The following SMU1 variants were observed in gnomAD, a reference collection of about 807,000 sequenced individuals.
The protein encoded by SMU1 is SMU1 DNA replication regulator and spliceosomal factor.
SMU1 carries 2 observed loss-of-function variants against 62.0 expected under a neutral mutation model. That is an observed-to-expected ratio of 0.03 (90% CI 0.01 to 0.10). The LOEUF (loss-of-function observed/expected upper bound fraction) is 0.10, where lower values mean the gene tolerates loss of function less well. Ranked by LOEUF, SMU1 falls within the 10% of genes least tolerant of loss-of-function variation. SMU1 has a pLI of 1.00. For synonymous variants in SMU1, 188 were observed against 212.4 expected, an observed-to-expected ratio of 0.89 and a Z score of 1.00; for missense variants, 227 against 622.1, an observed-to-expected ratio of 0.36 and a Z score of 6.76.
intron 4 of SMU1, among the ~76,000 whole-genome samples, chr9:33,067,069 A>C (rs1839429068): frequency 6.6e-6 from 1 of 152,160 alleles, no homozygotes; most frequent in African/African-American, 2.4e-5. Context: ...AGAAAAAATA[A>C]GCAATAATTA....
chr9:33,043,329 T>C lies in SMU1; in HGVS notation c.*3964A>G, dbSNP rs1223098039. On this transcript the variant is annotated 3_prime_UTR_variant, in exon 12 of 12. Coordinates refer to ENST00000397149, the MANE Select transcript of SMU1 (RefSeq NM_018225.3). Reference sequence around the variant, plus strand: ...CACCTTTATCATTTAAATTTGGTTATCTCAGCATGAAACTTCTGAGACTGA... The same window carrying C: ...CACCTTTATCATTTAAATTTGGTTACCTCAGCATGAAACTTCTGAGACTGA... 1.3e-5 allele frequency: 2 copies of C among 152,216 alleles called. No homozygotes were observed. The highest frequency in any genetic ancestry group is 1.3e-4 in the Admixed American group (2 of 15,282). The allele number at this position is 152,216 out of a possible 1,614,324, so 9.4% of individuals were successfully genotyped here. A position where few individuals can be genotyped will look rare whatever the true frequency, so the allele number is the denominator to read the frequency against.
At chr9:33,061,984 TG>T in intron 5 of SMU1, 64 bp downstream of exon 5, 1 of 1,561,382 alleles carries the variant, frequency 6.4e-7, no homozygotes, top group Non-Finnish European at 8.7e-7. Context: ...GCACAGGGCC[TG>T]GCTGAGCCCA....
rs1472285788 is a variant in SMU1 at position 33,053,165 on chromosome 9, G to A, written c.1248C>T (p.Cys416=). 1 of 1,612,186 alleles carries A rather than the reference G, an allele frequency of 6.2e-7. No homozygotes were observed. The highest frequency in any genetic ancestry group is 1.7e-5 in the Admixed American group (1 of 60,014). The part of the protein sequence containing the change: ...LPKNPEHFVV[C]NRSNTVVIMN... ...TGATGACCACCGTGTTTGATCTGTT[G>A]CACACCACAAAGTGCTCAGGGTTTT... The change falls in exon 10 of 12, where the codon TGC becomes TGT. Residue 416 remains cysteine, a synonymous_variant. Coordinates refer to ENST00000397149, the MANE Select transcript of SMU1 (RefSeq NM_018225.3).
At chr9:33,071,307 A>C (rs1352188610) in intron 3 of SMU1, among the ~76,000 whole-genome samples, 1 of 152,234 alleles carries the variant, frequency 6.6e-6, no homozygotes, top group Non-Finnish European at 1.5e-5. Flanking sequence ...GACTATCATC[A>C]TGCTCTACTG....
intron 4 of SMU1, among the ~76,000 whole-genome samples, chr9:33,065,283 CCTT>C (rs1244771094): frequency 6.6e-6 from 1 of 152,158 alleles, no homozygotes; most frequent in African/African-American, 2.4e-5. Context: ...ACAAATCTGT[CCTT>C]CTTATATTTT....
intron 9 of SMU1, 112 bp from the exon 10 acceptor site, chr9:33,053,402 A>G (rs1839270755): frequency 1.8e-6 from 2 of 1,129,264 alleles, no homozygotes; most frequent in East Asian, 2.6e-5. Context: ...GATTCAGGGG[A>G]AAAAAGTTTC....
At chr9:33,062,578 T>C (rs781335026) in intron 4 of SMU1, among the ~76,000 whole-genome samples, 2 of 152,210 alleles carry the variant, frequency 1.3e-5, no homozygotes, top group Non-Finnish European at 2.9e-5. Flanking sequence ...TTATACTATA[T>C]GTAAAATTTT....
At chr9:33,056,069 G>A in intron 9 of SMU1, 44 bp downstream of exon 9, 1 of 1,569,662 alleles carries the variant, frequency 6.4e-7, no homozygotes, top group Non-Finnish European at 8.7e-7. Context: ...AAAGGACAAA[G>A]ATGGGGTAGA....
chr9:33,052,436 G>A (rs995303293), intron 10 of SMU1, among the ~76,000 whole-genome samples: 5 of 152,104 alleles, frequency 3.3e-5, no homozygotes, highest in Non-Finnish European at 5.9e-5. Flanking sequence ...AAGATACTGC[G>A]GACCAGCCAT....
chr9:33,069,955 A>T (rs996768409), intron 3 of SMU1, among the ~76,000 whole-genome samples: 3 of 152,118 alleles, frequency 2.0e-5, no homozygotes, highest in African/African-American at 7.2e-5. Flanking sequence ...GCGAAACCCC[A>T]TCTCTACTGA....
At position 33,043,068 on chromosome 9, in the gene SMU1, C is replaced by T. The variant is rs1416510975; in HGVS notation, c.*4225G>A. ...CAGGGTGGTCTTGAACTCCTGACCT[C>T]GTGATCCACCCACCTCGGCCTCCCA... On this transcript the variant is annotated 3_prime_UTR_variant, in exon 12 of 12. Coordinates refer to ENST00000397149, the MANE Select transcript of SMU1 (RefSeq NM_018225.3). 1 of 152,180 alleles carries T rather than the reference C, an allele frequency of 6.6e-6. No homozygotes were observed. The highest frequency in any genetic ancestry group is 2.4e-5 in the African/African-American group (1 of 41,390). The allele number at this position is 152,180 out of a possible 1,614,324, so 9.4% of individuals were successfully genotyped here. A position where few individuals can be genotyped will look rare whatever the true frequency, so the allele number is the denominator to read the frequency against.
intron 1 of SMU1, 60 bp from the exon 2 acceptor site, chr9:33,073,866 G>A (rs1253340772): frequency 1.4e-6 from 2 of 1,445,364 alleles, no homozygotes; most frequent in African/African-American, 2.8e-5. Flanking sequence ...CAAAAATAAA[G>A]CCTATCAAGC....
rs1839309711 is a variant in SMU1 at position 33,056,881 on chromosome 9, C to T, written c.951G>A (p.Lys317=). ...SKGVTCLSFS[K]DSSQILSASF... ...AAGCACTAAGGATCTGACTGCTATCCTTAGAAAAGCTTAGACAGGTGACAC... is the reference window on the plus strand; with the variant it reads ...AAGCACTAAGGATCTGACTGCTATCTTTAGAAAAGCTTAGACAGGTGACAC... The change falls in exon 8 of 12, where the codon AAG becomes AAA. Residue 317 remains lysine (K), a synonymous_variant. Coordinates refer to ENST00000397149, the MANE Select transcript of SMU1 (RefSeq NM_018225.3). 25 of 1,613,270 alleles carry T rather than the reference C, an allele frequency of 1.5e-5. No individual in the cohort carries two copies. Among genetic ancestry groups the T allele is most frequent in the Non-Finnish European group, 2.0e-5 (24 of 1,179,786 alleles).
At chr9:33,051,881 C>G (rs560549181) in intron 10 of SMU1, among the ~76,000 whole-genome samples, 3 of 151,554 alleles carry the variant, frequency 2.0e-5, no homozygotes, top group Non-Finnish European at 4.4e-5. Flanking sequence ...TTGGAGTGAC[C>G]CCGTCTCTAC....
At chr9:33,071,708 CA>C (rs1205748661) in intron 3 of SMU1, 31 bp downstream of exon 3, 2 of 1,488,462 alleles carry the variant, frequency 1.3e-6, no homozygotes, top group Non-Finnish European at 1.8e-6. Context: ...CCAAAGTTAA[CA>C]AAAAGTTCCT....
chr9:33,062,576 T>C (rs899777356), intron 4 of SMU1, among the ~76,000 whole-genome samples: 1 of 152,310 alleles, frequency 6.6e-6, no homozygotes, highest in African/African-American at 2.4e-5. Context: ...AATTATACTA[T>C]ATGTAAAATT....
chr9:33,047,989 A>C (rs1406061521), intron 11 of SMU1, 117 bp downstream of exon 11: 1 of 875,290 alleles, frequency 1.1e-6, no homozygotes, highest in East Asian at 2.7e-5. Flanking sequence ...GTTTTAAAAC[A>C]ACATATTTTA....
At chr9:33,068,233 C>G (rs1328303094) in intron 4 of SMU1, among the ~76,000 whole-genome samples, 2 of 152,176 alleles carry the variant, frequency 1.3e-5, no homozygotes, top group African/African-American at 2.4e-5. Flanking sequence ...ACTATTTGCA[C>G]TTGGTGTTCT....
At position 33,057,610 on chromosome 9, in the gene SMU1, A is replaced by G. The variant is rs1839316897; in HGVS notation, c.855T>C (p.Asp285=). 1 of 1,613,840 alleles carries G rather than the reference A, an allele frequency of 6.2e-7. No individual in the cohort carries two copies. Among genetic ancestry groups the G allele is most frequent in the Non-Finnish European group, 8.5e-7 (1 of 1,179,994 alleles). The change falls in exon 7 of 12, where the codon GAT becomes GAC. Residue 285 remains aspartate, a synonymous_variant. Coordinates refer to ENST00000397149, the MANE Select transcript of SMU1 (RefSeq NM_018225.3). The part of the protein sequence containing the change: ...DTEMLATGAQ[D]GKIKVWKIQS... ...CACTAATCCATACCTTGATTTTTCC[A>G]TCTTGGGCCCCAGTTGCTAACATTT...
Sources: allele counts gnomAD v4.1 joint callset (sites outside exome capture counted in the v4.1 genomes callset), GRCh38; gene constraint gnomAD v4.1.1; transcripts MANE v1.5; gene names NCBI Gene and HGNC (gene_info 2026-07-23, HGNC 2026-07-21).